The following TVP23C variants were observed in gnomAD, a reference collection of about 807,000 sequenced individuals.
TVP23C encodes the protein trans-golgi network vesicle protein 23 homolog C.
In TVP23C, 19 loss-of-function variants were observed where a neutral mutation model predicts 28.7. The ratio of observed to expected loss-of-function variants is 0.66; its 90% CI spans 0.46 to 0.97. The LOEUF is 0.97. Ranked by LOEUF, TVP23C falls within the 50% of genes least tolerant of loss-of-function variation. The probability of loss-of-function intolerance (pLI) is 0.00; values close to 1 mark genes in which losing one functional copy is unlikely to be tolerated. For synonymous variants in TVP23C, 68 were observed against 81.7 expected, an observed-to-expected ratio of 0.83 and a Z score of 0.90; for missense variants, 186 against 241.3, an observed-to-expected ratio of 0.77 and a Z score of 1.52.
Position 15,539,233 on chromosome 17 carries a change from C to T in TVP23C, c.*1179G>A, listed in dbSNP as rs1597530382. ...CCTCTAGGTGATTCTCATGTATGTT[C>T]GAGTTTAAGAATCCCTGTCCTACAT... On this transcript the variant is annotated 3_prime_UTR_variant, in exon 6 of 6. Coordinates refer to ENST00000518321, the MANE Select transcript of TVP23C (RefSeq NM_001135036.2). 1 of 983,928 alleles carries T rather than the reference C, an allele frequency of 1.0e-6. No homozygotes were observed. The allele number at this position is 983,928 out of a possible 1,614,324, so 60.9% of individuals were successfully genotyped here. A position where few individuals can be genotyped will look rare whatever the true frequency, so the allele number is the denominator to read the frequency against.
At chr17:15,562,817 C>G (rs1984459536) in intron 1 of TVP23C, 2 of 152,422 alleles carry the variant, frequency 1.3e-5, no homozygotes, top group Admixed American at 1.3e-4. Flanking sequence ...ACAACCCTAT[C>G]CCTGGGCCTA....
rs375456557 is a variant in TVP23C at position 15,542,888 on chromosome 17, C to T, written c.463-2327G>A. ...ATATAAATAACTCCTACATGCTTAGCGTTCCAATAATGGAACACTAGGCAT... is the reference window on the plus strand; with the variant it reads ...ATATAAATAACTCCTACATGCTTAGTGTTCCAATAATGGAACACTAGGCAT... On this transcript the variant is annotated intron_variant, in intron 5 of 5. Coordinates refer to ENST00000518321, the MANE Select transcript of TVP23C (RefSeq NM_001135036.2). Among the ~76,000 whole-genome samples, 420 of 147,666 alleles carry T rather than the reference C, an allele frequency of 2.8e-3. 2 individuals carry two copies. Among genetic ancestry groups the T allele is most frequent in the African/African-American group, 8.9e-3 (354 of 39,634 alleles).
intron 2 of TVP23C, among the ~76,000 whole-genome samples, chr17:15,554,089 A>G (rs1984018129): frequency 6.6e-6 from 1 of 151,908 alleles, no homozygotes; most frequent in Non-Finnish European, 1.5e-5. Context: ...CACAAAATAG[A>G]TAATAAAGAA....
chr17:15,542,019 G>T (rs1339067407), intron 5 of TVP23C, among the ~76,000 whole-genome samples: 2 of 152,120 alleles, frequency 1.3e-5, no homozygotes, highest in Non-Finnish European at 2.9e-5. Context: ...TGCCCTTAAG[G>T]TACAAACAGC....
At chr17:15,520,135 T>C (rs981484310) in intron 5 of TVP23C, among the ~76,000 whole-genome samples, 4 of 151,026 alleles carry the variant, frequency 2.6e-5, no homozygotes, top group Non-Finnish European at 5.9e-5. Flanking sequence ...CCATGATTGC[T>C]AGAAAGTGTT....
At chr17:15,555,185 A>G (rs558381630) in intron 2 of TVP23C, 97 bp downstream of exon 2, 611 of 1,537,982 alleles carry the variant, frequency 4.0e-4, no homozygotes, top group Non-Finnish European at 4.5e-4. Flanking sequence ...TCACAAGCAC[A>G]TTGAAACAAC....
intron 3 of TVP23C, among the ~76,000 whole-genome samples, chr17:15,552,107 A>T (rs1983919562): frequency 6.6e-6 from 1 of 152,230 alleles, no homozygotes; most frequent in African/African-American, 2.4e-5. Flanking sequence ...AAATTTTAAG[A>T]ATTTGGAAAT....
chr17:15,549,081 A>T (rs1983775249), intron 3 of TVP23C, among the ~76,000 whole-genome samples: 3 of 152,206 alleles, frequency 2.0e-5, no homozygotes. Context: ...ATTTCAATAT[A>T]AGTGACTTCC....
At chr17:15,511,530 G>A (rs1030996476) in intron 5 of TVP23C, among the ~76,000 whole-genome samples, 1 of 152,184 alleles carries the variant, frequency 6.6e-6, no homozygotes. Flanking sequence ...TAAAGTACTA[G>A]TAGAGTTTCT....
chr17:15,537,564 C>A lies in TVP23C; in HGVS notation c.*2848G>T. 1.0e-6 allele frequency: 1 copy of A among 983,980 alleles called. No homozygotes were observed. The highest frequency in any genetic ancestry group is 1.7e-5 in the African/African-American group (1 of 57,314). The allele number at this position is 983,980 out of a possible 1,614,324, so 61.0% of individuals were successfully genotyped here. On this transcript the variant is annotated 3_prime_UTR_variant, in exon 6 of 6. Coordinates refer to ENST00000518321, the MANE Select transcript of TVP23C (RefSeq NM_001135036.2). ...ATAAAATTTTATAAAGTAGTTAATA[C>A]CACTGGCCCTAATTGTTTTCACTTG... is the stretch of plus-strand genomic sequence containing the variant.
At chr17:15,555,133 TC>T (rs1181592825) in intron 2 of TVP23C, 148 bp downstream of exon 2, 66 of 1,108,166 alleles carry the variant, frequency 6.0e-5, no homozygotes, top group Middle Eastern at 2.1e-4. Flanking sequence ...TGAAATGTCA[TC>T]TTTGTCTTAC....
At chr17:15,515,490 T>A (rs1350661539) in intron 5 of TVP23C, among the ~76,000 whole-genome samples, 2 of 152,154 alleles carry the variant, frequency 1.3e-5, no homozygotes, top group Non-Finnish European at 2.9e-5. Flanking sequence ...CAGGCCCAGT[T>A]GGGAGCCTGA....
chr17:15,505,410 C>T lies in TVP23C; in HGVS notation c.463-2178G>A, dbSNP rs140702953. 8.1e-3 allele frequency among the ~76,000 whole-genome samples: 1,234 copies of T among 152,292 alleles called. 9 individuals carry two copies. Among genetic ancestry groups the T allele is most frequent in the Non-Finnish European group, 0.014 (933 of 68,020 alleles). ...CTGGTTTAGAGCACAGATTCTAGAT[C>T]GAGACATTCCTGGGTTCAAATCCCA... On this transcript the variant is annotated intron_variant, in intron 5 of 5. Transcript: ENST00000225576.
chr17:15,518,010 C>T (rs747218715), intron 5 of TVP23C, among the ~76,000 whole-genome samples: 11 of 151,954 alleles, frequency 7.2e-5, no homozygotes, highest in Non-Finnish European at 1.3e-4. Context: ...ACTAAAAATA[C>T]AAAAACAATT....
intron 5 of TVP23C, chr17:15,506,732 C>T (rs145407301): frequency 0.054 from 19,709 of 364,640 alleles, 657 homozygotes; most frequent in Non-Finnish European, 0.07. Context: ...GAAGAAACTC[C>T]GAACACATCC....
At chr17:15,546,404 G>A (rs961812153) in intron 4 of TVP23C, among the ~76,000 whole-genome samples, 1 of 152,032 alleles carries the variant, frequency 6.6e-6, no homozygotes, top group Admixed American at 6.5e-5. Context: ...TGTTTCCAAG[G>A]TAGATTCCAT....
intron 3 of TVP23C, among the ~76,000 whole-genome samples, chr17:15,549,551 T>C (rs937754552): frequency 3.3e-5 from 5 of 152,114 alleles, no homozygotes; most frequent in African/African-American, 1.2e-4. Context: ...TGGTGGTGCA[T>C]GCCTGTAGTC....
At chr17:15,541,086 C>T (rs1443514328) in intron 5 of TVP23C, among the ~76,000 whole-genome samples, 2 of 152,226 alleles carry the variant, frequency 1.3e-5, no homozygotes, top group South Asian at 2.1e-4. Flanking sequence ...CTGCCTTCCC[C>T]GAGGAGAGAG....
chr17:15,550,009 A>T (rs1026495557), intron 3 of TVP23C, among the ~76,000 whole-genome samples: 1 of 151,826 alleles, frequency 6.6e-6, no homozygotes, highest in Non-Finnish European at 1.5e-5. Context: ...ATACTTTCAA[A>T]CTCTTCTGTT....
Sources: allele counts gnomAD v4.1 joint callset (sites outside exome capture counted in the v4.1 genomes callset), GRCh38; gene constraint gnomAD v4.1.1; transcripts MANE v1.5; gene names NCBI Gene and HGNC (gene_info 2026-07-23, HGNC 2026-07-21).